CDYL: variants seen among roughly 807,000 people sequenced by gnomAD.
CDYL encodes chromodomain Y like.
In CDYL, 8 loss-of-function variants were observed where a neutral mutation model predicts 47.3. The ratio of observed to expected loss-of-function variants is 0.17; its 90% confidence interval spans 0.10 to 0.31. The LOEUF (loss-of-function observed/expected upper bound fraction) is 0.31, where lower values mean the gene tolerates loss of function less well. Ranked by LOEUF, CDYL falls within the 10% of genes least tolerant of loss-of-function variation. The probability of loss-of-function intolerance (pLI) is 1.00; values close to 1 mark genes in which losing one functional copy is unlikely to be tolerated. For synonymous variants in CDYL, 266 were observed against 265.0 expected, an observed-to-expected ratio of 1.00 and a Z score of -0.04; for missense variants, 471 against 701.4, an observed-to-expected ratio of 0.67 and a Z score of 3.71.
intron 2 of CDYL, among the ~76,000 whole-genome samples, chr6:4,911,518 A>G (rs1167527965): frequency 6.6e-6 from 1 of 152,158 alleles, no homozygotes; most frequent in African/African-American, 2.4e-5. Context: ...TTCACAATTG[A>G]TACAGTATTC....
intron 1 of CDYL, among the ~76,000 whole-genome samples, chr6:4,845,271 A>G (rs1234719343): frequency 2.0e-5 from 3 of 152,196 alleles, no homozygotes; most frequent in Non-Finnish European, 4.4e-5. Context: ...ACAAAAGGTA[A>G]CCCAATCTTA....
intron 1 of CDYL, among the ~76,000 whole-genome samples, chr6:4,708,698 T>C (rs534130065): frequency 1.6e-4 from 25 of 152,322 alleles, no homozygotes; most frequent in Non-Finnish European, 2.1e-4. Context: ...AAGCAATACT[T>C]ACAGACATCC....
At chr6:4,799,044 G>T (rs1561643146) in intron 1 of CDYL, among the ~76,000 whole-genome samples, 1 of 152,032 alleles carries the variant, frequency 6.6e-6, no homozygotes, top group Non-Finnish European at 1.5e-5. Context: ...TTGCTGTATT[G>T]TCTTACATGA....
At chr6:4,892,906 C>T (rs1406030484) in intron 2 of CDYL, among the ~76,000 whole-genome samples, 3 of 152,206 alleles carry the variant, frequency 2.0e-5, no homozygotes, top group South Asian at 4.1e-4. Flanking sequence ...TTGCTTCCCC[C>T]GTCAGAGCCC....
At chr6:4,774,666 A>AG (rs2127426596), upstream of CDYL, 1 of 152,382 alleles carries the variant, frequency 6.6e-6, no homozygotes, top group South Asian at 2.1e-4. Flanking sequence ...TCCTGTATAG[A>AG]GAATGGTGCT....
chr6:4,907,338 T>A (rs1047180317), intron 2 of CDYL, among the ~76,000 whole-genome samples: 3 of 152,192 alleles, frequency 2.0e-5, no homozygotes, highest in Non-Finnish European at 2.9e-5. Context: ...CTAATACAGC[T>A]TTTTTGTGGG....
In CDYL at chr6:4,882,296, C is replaced by T. The variant is rs75211709; in HGVS notation, c.25-9417C>T. On this transcript the variant is annotated intron_variant, in intron 1 of 6. Coordinates refer to ENST00000397588, the MANE Select transcript of CDYL (RefSeq NM_004824.4). Reference sequence around the variant, plus strand: ...TCAATGGGTGAGATTTTAGGAAAATCCATGGGATTTGTAGCTGACATGTTG... The same window carrying T: ...TCAATGGGTGAGATTTTAGGAAAATTCATGGGATTTGTAGCTGACATGTTG... Among the ~76,000 whole-genome samples, 559 of 152,226 alleles carry T rather than the reference C, an allele frequency of 3.7e-3. 5 individuals carry two copies. Among genetic ancestry groups the T allele is most frequent in the Middle Eastern group, 0.02 (6 of 294 alleles).
At chr6:4,844,162 G>A (rs902128083) in intron 1 of CDYL, among the ~76,000 whole-genome samples, 1 of 152,208 alleles carries the variant, frequency 6.6e-6, no homozygotes, top group African/African-American at 2.4e-5. Context: ...TGTCTGCACA[G>A]AGTCCTGTGA....
At chr6:4,890,931 G>T (rs539116032) in intron 1 of CDYL, among the ~76,000 whole-genome samples, 2 of 152,192 alleles carry the variant, frequency 1.3e-5, no homozygotes, top group African/African-American at 4.8e-5. Context: ...CATAACTCTC[G>T]TTCATGTGAG....
At chr6:4,776,891 C>T (rs1758473668) in intron 1 of CDYL, 84 bp downstream of exon 1, 7 of 520,016 alleles carry the variant, frequency 1.3e-5, no homozygotes, top group Admixed American at 6.7e-5. Flanking sequence ...GCCCCGCTCG[C>T]CGCCCGCGCC....
intron 2 of CDYL, among the ~76,000 whole-genome samples, chr6:4,919,000 A>G (rs1217673597): frequency 6.6e-6 from 1 of 152,228 alleles, no homozygotes; most frequent in Non-Finnish European, 1.5e-5. Flanking sequence ...GAACCTTCAG[A>G]CGTGGGCAAA....
At chr6:4,855,432 A>G (rs965024705) in intron 1 of CDYL, among the ~76,000 whole-genome samples, 6 of 152,158 alleles carry the variant, frequency 3.9e-5, no homozygotes, top group African/African-American at 1.4e-4. Flanking sequence ...CCGGGATTAC[A>G]GGTGCATGCC....
intron 5 of CDYL, among the ~76,000 whole-genome samples, chr6:4,951,455 A>G (rs972259537): frequency 6.6e-6 from 1 of 152,122 alleles, no homozygotes; most frequent in Admixed American, 6.5e-5. Context: ...GTTCAGTGTC[A>G]TGTATTAAAA....
At chr6:4,732,373 T>G (rs9328272) in intron 2 of CDYL, among the ~76,000 whole-genome samples, 14,650 of 150,222 alleles carry the variant, frequency 0.098, 726 homozygotes, top group East Asian at 0.16. Flanking sequence ...GGAAGAAATG[T>G]CTGGGCACTG....
intron 1 of CDYL, among the ~76,000 whole-genome samples, chr6:4,871,327 G>T (rs1222409269): frequency 3.9e-5 from 6 of 152,188 alleles, no homozygotes; most frequent in African/African-American, 1.4e-4. Context: ...GGATTTTAAT[G>T]TGGATTGGAA....
chr6:4,786,482 A>G (rs1758760108), intron 1 of CDYL, among the ~76,000 whole-genome samples: 1 of 152,194 alleles, frequency 6.6e-6, no homozygotes, highest in African/African-American at 2.4e-5. Context: ...ATCTGGTGAA[A>G]TGTAAATAAG....
In CDYL at chr6:4,830,872, C is replaced by T. The variant is rs142509244; in HGVS notation, c.24+54065C>T. Reference sequence around the variant, plus strand: ...TGCGGTGTTTGGTTTTTTGTTCTTGCGATAGTTTACTGAGAATGATGATTT... The same window carrying T: ...TGCGGTGTTTGGTTTTTTGTTCTTGTGATAGTTTACTGAGAATGATGATTT... On this transcript the variant is annotated intron_variant, in intron 1 of 6. Coordinates refer to ENST00000397588, the MANE Select transcript of CDYL (RefSeq NM_004824.4). Among the ~76,000 whole-genome samples, 31 of 151,362 alleles carry T rather than the reference C, an allele frequency of 2.0e-4. No homozygotes were observed. In the East Asian group the frequency reaches 3.9e-3, roughly 19 times the overall value.
intron 1 of CDYL, among the ~76,000 whole-genome samples, chr6:4,827,267 A>G (rs937980122): frequency 3.9e-5 from 6 of 152,204 alleles, no homozygotes; most frequent in African/African-American, 1.2e-4. Context: ...GCCTTCTGTC[A>G]GAAAAGTTTA....
At chr6:4,855,862 G>T (rs1419650920) in intron 1 of CDYL, among the ~76,000 whole-genome samples, 1 of 152,168 alleles carries the variant, frequency 6.6e-6, no homozygotes, top group Non-Finnish European at 1.5e-5. Context: ...AGAGTGGGTA[G>T]ACTTTAGAAC....
Sources: gnomAD v4.1 joint callset for allele counts (sites outside exome capture counted in the v4.1 genomes callset) on GRCh38, gnomAD v4.1.1 for gene constraint, MANE v1.5 for transcripts, NCBI Gene and HGNC (gene_info 2026-07-23, HGNC 2026-07-21) for gene names.